Variants in ZEB2 observed in about 807,000 individuals in gnomAD.
ZEB2 encodes zinc finger E-box-binding homeobox 2.
Under a neutral mutation model 99.9 loss-of-function variants are expected in ZEB2, and 6 were observed. That is an observed-to-expected ratio of 0.06 (90% confidence interval 0.03 to 0.12). ZEB2 has a LOEUF of 0.12. Ranked by LOEUF, ZEB2 falls within the 10% of genes least tolerant of loss-of-function variation. The pLI is 1.00. For missense variants in ZEB2, 969 were observed against 1,502.8 expected, an observed-to-expected ratio of 0.64 and a Z score of 5.87; for synonymous variants, 517 against 542.5, an observed-to-expected ratio of 0.95 and a Z score of 0.65.
intron 2 of ZEB2, chr2:144,455,333 G>A (rs945331004): frequency 1.3e-5 from 2 of 152,182 alleles, no homozygotes; most frequent in African/African-American, 2.4e-5. Flanking sequence ...ATGCCTTGCT[G>A]CCTGGACCTC....
At chr2:144,453,859 G>A (rs907895639) in intron 2 of ZEB2, among the ~76,000 whole-genome samples, 21 of 152,272 alleles carry the variant, frequency 1.4e-4, no homozygotes, top group African/African-American at 5.1e-4. Context: ...GAGGTCCAAA[G>A]GTATCTGCCA....
At chr2:144,498,310 A>G (rs943535338) in intron 2 of ZEB2, among the ~76,000 whole-genome samples, 7 of 149,728 alleles carry the variant, frequency 4.7e-5, no homozygotes, top group Non-Finnish European at 1.0e-4. Flanking sequence ...TGATTCTCTA[A>G]CCCTTGTGAC....
In ZEB2 at chr2:144,502,014, A is replaced by G. The variant is rs535442285; in HGVS notation, c.73+15264T>C. On this transcript the variant is annotated intron_variant, in intron 2 of 9. Transcript: ENST00000627532. ...TGGGAATTATTTGGCATAAGTGAAC[A>G]TGGAGAAAAACTACCACTGAAAAGA... Among the ~76,000 whole-genome samples the G allele has an allele frequency of 1.6e-3, 246 of 152,332 alleles. 2 individuals carry two copies. The highest frequency in any genetic ancestry group is 2.4e-3 in the Non-Finnish European group (164 of 68,030).
chr2:144,468,224 C>T (rs1457699714), intron 2 of ZEB2, among the ~76,000 whole-genome samples: 1 of 152,046 alleles, frequency 6.6e-6, no homozygotes, highest in Non-Finnish European at 1.5e-5. Context: ...AAGCTCGATT[C>T]CATTTATAGA....
intron 9 of ZEB2, among the ~76,000 whole-genome samples, chr2:144,391,647 G>A (rs1703155419): frequency 6.6e-6 from 1 of 152,176 alleles, no homozygotes; most frequent in Non-Finnish European, 1.5e-5. Flanking sequence ...GGAAGCAGAC[G>A]TGTATTTGGG....
rs527679524 is a variant in ZEB2 at position 144,404,098 on chromosome 2, G to T, written c.625C>A (p.Gln209Lys). The stretch of plus-strand genomic sequence containing the variant: ...TCGCAGTAGGGGCAGGTCAGCAGTT[G>T]GGCAAAAGCATCTGGAGTTCCAGGT... ...LPPGTPDAFA[Q>K]LLTCPYCDRG... is the part of the protein sequence containing the mutation. Residue 209 changes from glutamine (Q) to lysine (K), a missense_variant, in exon 6 of 10, where the codon CAA (glutamine) becomes AAA (lysine). This residue lies in a region of ZEB2 where 65 missense variants were observed against 147.7 expected (regional missense o/e 0.44). Coordinates refer to ENST00000627532, the MANE Select transcript of ZEB2 (RefSeq NM_014795.4). 1 of 1,614,062 alleles carries T rather than the reference G, an allele frequency of 6.2e-7. No individual in the cohort carries two copies. The highest frequency in any genetic ancestry group is 8.5e-7 in the Non-Finnish European group (1 of 1,180,026).
In ZEB2 at chr2:144,399,861, C is replaced by A. The variant is rs771057036; in HGVS notation, c.1326G>T (p.Gly442=). 3 of 1,614,220 alleles carry A rather than the reference C, an allele frequency of 1.9e-6. No individual in the cohort carries two copies. In the East Asian group the frequency reaches 6.7e-5, roughly 36 times the overall value. The change falls in exon 8 of 10, where the codon GGG becomes GGT. Residue 442 remains glycine (G), a synonymous_variant. Transcript: ENST00000627532. The surrounding 1 kb of genome is among the most constrained non-coding windows in gnomAD (Gnocchi z 5.6). Reference sequence around the variant, plus strand: ...GAAACCCAAGTAAAGGGGCTTCCATCCCTACACCTAAGTGCTGCATTGGAC... The same window carrying A: ...GAAACCCAAGTAAAGGGGCTTCCATACCTACACCTAAGTGCTGCATTGGAC... ...AQSPMQHLGV[G]MEAPLLGFPT... is the part of the protein sequence containing the mutation.
chr2:144,433,983 G>T (rs1313218816), intron 2 of ZEB2, among the ~76,000 whole-genome samples: 1 of 152,166 alleles, frequency 6.6e-6, no homozygotes, highest in Non-Finnish European at 1.5e-5. Context: ...TAGCAGAACT[G>T]TTGTTTTGAA....
At chr2:144,419,419 T>C (rs552225427) in intron 4 of ZEB2, among the ~76,000 whole-genome samples, 14 of 152,328 alleles carry the variant, frequency 9.2e-5, no homozygotes, top group African/African-American at 3.4e-4. Context: ...TGGTTATTAA[T>C]AGCCCTTTAT....
chr2:144,386,412 G>A lies in ZEB2; in HGVS notation c.*3039C>T, dbSNP rs188715186. 1 of 152,084 alleles carries A rather than the reference G, an allele frequency of 6.6e-6. No individual in the cohort carries two copies. The highest frequency in any genetic ancestry group is 6.6e-5 in the Admixed American group (1 of 15,258). The allele number at this position is 152,084 out of a possible 1,614,324, so 9.4% of individuals were successfully genotyped here. A position where few individuals can be genotyped will look rare whatever the true frequency, so the allele number is the denominator to read the frequency against. The stretch of plus-strand genomic sequence containing the variant: ...ATTAAAAAAAACTCCTCAGATATGG[G>A]ACATTGTAGTGATTGTCACAATTCA... On this transcript the variant is annotated 3_prime_UTR_variant, in exon 10 of 10. Transcript: ENST00000627532.
intron 2 of ZEB2, among the ~76,000 whole-genome samples, chr2:144,459,228 TC>T (rs1487187516): frequency 6.6e-6 from 1 of 152,106 alleles, no homozygotes; most frequent in Non-Finnish European, 1.5e-5. Context: ...ATCCCTGGCT[TC>T]TTGGGTTATA....
At position 144,429,762 on chromosome 2, in the gene ZEB2, C is replaced by T. The variant is rs1462359085; in HGVS notation, c.331+7G>A. On this transcript the variant is annotated splice_region_variant and intron_variant, in intron 3 of 9. Coordinates refer to ENST00000627532, the MANE Select transcript of ZEB2 (RefSeq NM_014795.4). ...CAGGAAGAGGCCAAGTGATTTTAGA[C>T]ACTTACCTGGACCATCTACAGAGGC... The T allele has an allele frequency of 3.7e-6, 6 of 1,613,654 alleles. No individual in the cohort carries two copies. Among genetic ancestry groups the T allele is most frequent in the Admixed American group, 1.7e-5 (1 of 59,964 alleles).
rs993529088 is a variant in ZEB2, at chr2:144,435,959, T to A, written c.74-5933A>T. Among the ~76,000 whole-genome samples the A allele has an allele frequency of 1.2e-4, 18 of 152,046 alleles. No individual in the cohort carries two copies. The South Asian group carries it at 1.2e-3, about 10-fold the overall frequency. Reference sequence around the variant, plus strand: ...TTTTTTTAAATCACAGTTACCTTGTTACCTCCGTGCTTGGGTGGGTAAAGA... The same window carrying A: ...TTTTTTTAAATCACAGTTACCTTGTAACCTCCGTGCTTGGGTGGGTAAAGA... On this transcript the variant is annotated intron_variant, in intron 2 of 9. Coordinates refer to ENST00000627532, the MANE Select transcript of ZEB2 (RefSeq NM_014795.4).
intron 2 of ZEB2, among the ~76,000 whole-genome samples, chr2:144,508,869 C>G (rs1206428959): frequency 6.6e-6 from 1 of 152,020 alleles, no homozygotes; most frequent in East Asian, 1.9e-4. Context: ...TTCCCTCTAG[C>G]TACCGTAGTC....
At chr2:144,436,508 A>C (rs1703839427) in intron 2 of ZEB2, among the ~76,000 whole-genome samples, 1 of 152,220 alleles carries the variant, frequency 6.6e-6, no homozygotes, top group Non-Finnish European at 1.5e-5. Context: ...CCATGGTTGC[A>C]GTGGAGAGAG....
Position 144,401,191 on chromosome 2 carries a change from C to T in ZEB2, c.916+8G>A, listed in dbSNP as rs1703305516. On this transcript the variant is annotated splice_region_variant and intron_variant, in intron 7 of 9. Transcript: ENST00000627532. ...GCAAATGCGAGCTCCAGCACCTCTG[C>T]TACTCACCACTGTGAATTCGCAGGT... 1.2e-6 allele frequency: 2 copies of T among 1,612,790 alleles called. No individual in the cohort carries two copies. The highest frequency in any genetic ancestry group is 4.5e-5 in the East Asian group (2 of 44,862).
chr2:144,490,469 G>A (rs1481871582), intron 2 of ZEB2, among the ~76,000 whole-genome samples: 1 of 152,092 alleles, frequency 6.6e-6, no homozygotes, highest in East Asian at 1.9e-4. Flanking sequence ...CTCTTGCAGA[G>A]ATCATGATAA....
intron 4 of ZEB2, among the ~76,000 whole-genome samples, chr2:144,411,496 T>C (rs572106488): frequency 6.6e-6 from 1 of 152,312 alleles, no homozygotes; most frequent in African/African-American, 2.4e-5. Flanking sequence ...TATGCGTTTT[T>C]GCAGAAGGTT....
At chr2:144,518,522 C>T (rs1016091308) in intron 1 of ZEB2, 2 of 152,204 alleles carry the variant, frequency 1.3e-5, no homozygotes, top group African/African-American at 2.4e-5. Flanking sequence ...ACTCAGTCCC[C>T]ACGCCCCACA....
Sources: gnomAD v4.1 joint callset for allele counts (sites outside exome capture counted in the v4.1 genomes callset) on GRCh38, gnomAD v4.1.1 for gene constraint, gnomAD v4.1.1 regional missense constraint, Gnocchi (gnomAD v3.1) non-coding constraint, MANE v1.5 for transcripts, NCBI Gene and HGNC (gene_info 2026-07-23, HGNC 2026-07-21) for gene names.